Variants in NLRP9 observed in about 807,000 individuals in gnomAD.
NLRP9 encodes the protein NLR family pyrin domain containing 9, also known as NACHT, LRR and PYD domains-containing protein 9.
A neutral mutation model predicts 83.1 loss-of-function variants in NLRP9; 88 were observed. The observed-to-expected ratio is 1.06, with a 90% CI of 0.89 to 1.26. The LOEUF (loss-of-function observed/expected upper bound fraction) is 1.26. NLRP9 is among the 50% of genes most tolerant of loss of function. The pLI, the probability that NLRP9 is intolerant of heterozygous loss-of-function variation, is 0.00. For missense variants in NLRP9, 1,308 were observed against 1,179.3 expected, an observed-to-expected ratio of 1.11 and a Z score of -1.60; for synonymous variants, 521 against 447.6, an observed-to-expected ratio of 1.16 and a Z score of -2.07.
At position 55,717,781 on chromosome 19, in the gene NLRP9, C is replaced by T. The variant is rs534292363; in HGVS notation, c.2160-883G>A. On this transcript the variant is annotated intron_variant, in intron 4 of 8. Transcript: ENST00000332836. ...CAGAGGAGCTAGACACAGAGTTGAT[C>T]GATTATGCCTGTGTGATGAAACCTC... Among the ~76,000 whole-genome samples, 5 of 152,228 alleles carry T rather than the reference C, an allele frequency of 3.3e-5. No individual in the cohort carries two copies. The South Asian group carries it at 6.2e-4, about 19-fold the overall frequency.
At chr19:55,719,136 G>A (rs540219917) in intron 4 of NLRP9, among the ~76,000 whole-genome samples, 1 of 152,288 alleles carries the variant, frequency 6.6e-6, no homozygotes, top group South Asian at 2.1e-4. Flanking sequence ...TATACATGGG[G>A]GTTCCCCTGA....
intron 7 of NLRP9, among the ~76,000 whole-genome samples, chr19:55,712,187 G>A (rs1987760853): frequency 6.6e-6 from 1 of 152,114 alleles, no homozygotes; most frequent in Non-Finnish European, 1.5e-5. Flanking sequence ...GTGTCCAGGG[G>A]CGCTGCTAAA....
At chr19:55,719,359 G>C (rs780570448) in intron 4 of NLRP9, among the ~76,000 whole-genome samples, 43 of 152,226 alleles carry the variant, frequency 2.8e-4, no homozygotes, top group Non-Finnish European at 5.7e-4. Flanking sequence ...CACCATGTTG[G>C]CCAGGGTGAT....
At position 55,724,121 on chromosome 19, in the gene NLRP9, T is replaced by C. The variant is rs778784492; in HGVS notation, c.2018A>G (p.His673Arg). 5 of 1,612,072 alleles carry C rather than the reference T, an allele frequency of 3.1e-6. No individual in the cohort carries two copies. Among genetic ancestry groups the C allele is most frequent in the Non-Finnish European group, 4.2e-6 (5 of 1,179,060 alleles). Reference sequence around the variant, plus strand: ...AACTGCCTTAAATAATTCTGAATCATGTCCAAAGTACACAGAAGTAAATCT... The same window carrying C: ...AACTGCCTTAAATAATTCTGAATCACGTCCAAAGTACACAGAAGTAAATCT... Reference protein sequence around the residue: ...KLIFTSVYFGHDSELFKAVLH... With the variant: ...KLIFTSVYFGRDSELFKAVLH... Residue 673 changes from histidine (H) to arginine (R), a missense_variant, in exon 4 of 9, where the codon CAT becomes CGT. Coordinates refer to ENST00000332836, the MANE Select transcript of NLRP9 (RefSeq NM_176820.4).
At chr19:55,716,925 C>CG in intron 4 of NLRP9, 27 bp from the exon 5 acceptor site, 1 of 1,599,092 alleles carries the variant, frequency 6.3e-7, no homozygotes, top group African/African-American at 1.3e-5. Flanking sequence ...CACCATGAGA[C>CG]GGACCAAAGC....
intron 8 of NLRP9, chr19:55,709,433 G>A (rs1987610330): frequency 1.3e-5 from 2 of 152,184 alleles, no homozygotes; most frequent in African/African-American, 2.4e-5. Context: ...ATGAATTCAT[G>A]TACCCATCAC....
At position 55,708,653 on chromosome 19, in the gene NLRP9, G is replaced by C. The variant is rs887954176; in HGVS notation, c.*259C>G. On this transcript the variant is annotated 3_prime_UTR_variant, in exon 9 of 9. Transcript: ENST00000332836. The stretch of plus-strand genomic sequence containing the variant: ...ATGCTTTCCAGAGCGTTTAGCACTT[G>C]TTTAACGTACTTGTGCTTCTAAATA... 3.2e-6 allele frequency: 1 copy of C among 312,246 alleles called. No individual in the cohort carries two copies. Among genetic ancestry groups the C allele is most frequent in the Non-Finnish European group, 5.8e-6 (1 of 171,554 alleles). The allele number at this position is 312,246 out of a possible 1,614,324, so 19.3% of individuals were successfully genotyped here. A position where few individuals can be genotyped will look rare whatever the true frequency, so the allele number is the denominator to read the frequency against.
In NLRP9 at chr19:55,732,929, G is replaced by A. The variant is rs1003044666; in HGVS notation, c.902C>T (p.Ser301Phe). 2.5e-6 allele frequency: 4 copies of A among 1,613,888 alleles called. No individual in the cohort carries two copies. The highest frequency in any genetic ancestry group is 3.3e-4 in the Middle Eastern group (2 of 6,082). Residue 301 changes from serine to phenylalanine, a missense_variant, in exon 2 of 9, where the codon TCT becomes TTT. Physicochemically the swap from Ser to Phe is radical, Grantham distance 155 (BLOSUM62 -2). Coordinates refer to ENST00000332836, the MANE Select transcript of NLRP9 (RefSeq NM_176820.4). ...GTAGGAGAAATACGACTTCTTTTCA[G>A]ATTCACTGAATCCTAAGAGCTTTAT... ...KLIKLLGFSE[S>F]EKKSYFSYFF...
In NLRP9 at chr19:55,708,753, A is replaced by C. The variant is rs534607860; in HGVS notation, c.*159T>G. 3 of 526,204 alleles carry C rather than the reference A, an allele frequency of 5.7e-6. No homozygotes were observed. Among genetic ancestry groups the C allele is most frequent in the South Asian group, 8.0e-5 (2 of 24,890 alleles). 32.6% of individuals were successfully genotyped at this position (526,204 alleles called of 1,614,324 possible). A position where few individuals can be genotyped will look rare whatever the true frequency, so the allele number is the denominator to read the frequency against. Reference sequence around the variant, plus strand: ...CAAAGACAATCAGCATGTACACTGAATCACACTCCATAATCATATTGCTAG... The same window carrying C: ...CAAAGACAATCAGCATGTACACTGACTCACACTCCATAATCATATTGCTAG... On this transcript the variant is annotated 3_prime_UTR_variant, in exon 9 of 9. Coordinates refer to ENST00000332836, the MANE Select transcript of NLRP9 (RefSeq NM_176820.4).
At chr19:55,711,771 T>C (rs772710464) in intron 8 of NLRP9, 29 bp downstream of exon 8, 14 of 1,605,006 alleles carry the variant, frequency 8.7e-6, no homozygotes, top group Non-Finnish European at 1.2e-5. Flanking sequence ...CTGAAGTCAC[T>C]CACCCCAAAG....
At chr19:55,728,033 T>A (rs1470265245) in intron 3 of NLRP9, among the ~76,000 whole-genome samples, 3 of 152,020 alleles carry the variant, frequency 2.0e-5, no homozygotes, top group Non-Finnish European at 2.9e-5. Context: ...CACAATAAAT[T>A]CCTCTAGCAA....
At chr19:55,736,795 C>T (rs1349648481) in intron 1 of NLRP9, among the ~76,000 whole-genome samples, 2 of 151,932 alleles carry the variant, frequency 1.3e-5, no homozygotes, top group Admixed American at 6.6e-5. Flanking sequence ...GATCATGTCA[C>T]TGCCCTCCAA....
intron 8 of NLRP9, 28 bp from the exon 9 acceptor site, chr19:55,709,072 TTTTG>T (rs747486196): frequency 6.5e-7 from 1 of 1,548,906 alleles, no homozygotes; most frequent in Non-Finnish European, 8.6e-7. Context: ...AAGTTTTTTT[TTTTG>T]TTTTTCATTT....
chr19:55,715,432 C>T (rs1987971993), intron 5 of NLRP9, among the ~76,000 whole-genome samples: 1 of 152,208 alleles, frequency 6.6e-6, no homozygotes, highest in Non-Finnish European at 1.5e-5. Context: ...CGCCTGTCAT[C>T]CCAGCACTTT....
Position 55,712,546 on chromosome 19 carries a change from G to A in NLRP9, c.2546C>T (p.Ala849Val), listed in dbSNP as rs1987779121. 1.9e-6 allele frequency: 3 copies of A among 1,612,448 alleles called. No individual in the cohort carries two copies. The highest frequency in any genetic ancestry group is 1.1e-5 in the South Asian group (1 of 91,064). The change falls in exon 7 of 9, where the codon GCT (alanine) becomes GTT (valine). Residue 849 changes from alanine to valine, a missense_variant. Ala to Val is a moderately conservative substitution (Grantham distance 64). Transcript: ENST00000332836. ...FLTSDSCKDIAAVLICNGKLK... is the reference protein window; with the variant it reads ...FLTSDSCKDIVAVLICNGKLK... ...TTTCCCATTGCAAATAAGAACAGCAGCAATGTCCTTACAGGAATCGGAAGT... is the reference window on the plus strand; with the variant it reads ...TTTCCCATTGCAAATAAGAACAGCAACAATGTCCTTACAGGAATCGGAAGT...
intron 6 of NLRP9, among the ~76,000 whole-genome samples, chr19:55,713,026 C>T (rs1295172270): frequency 6.8e-6 from 1 of 147,380 alleles, no homozygotes; most frequent in East Asian, 2.0e-4. Context: ...CTCCACCTTC[C>T]CTACTCTGCT....
intron 3 of NLRP9, among the ~76,000 whole-genome samples, chr19:55,727,739 G>A (rs1988443714): frequency 6.6e-6 from 1 of 152,054 alleles, no homozygotes; most frequent in South Asian, 2.1e-4. Context: ...CCCCTACAAG[G>A]CTTTGTATTT....
chr19:55,713,655 C>T (rs1183638726), intron 6 of NLRP9, among the ~76,000 whole-genome samples: 1 of 117,356 alleles, frequency 8.5e-6, no homozygotes, highest in Non-Finnish European at 1.8e-5. Flanking sequence ...CTCTCCCTCC[C>T]CACCTCTCCC....
chr19:55,716,745 A>G lies in NLRP9; in HGVS notation c.2313T>C (p.Cys771=). ...CAACTTACATCAGCCTCTCCAGGGC[A>G]CAGTGTGAGTGCTTCAGGGCTTCAC... ...LLCEALKHSH[C]ALERLMLMYC... Residue 771 remains cysteine (C), a synonymous_variant, in exon 5 of 9, where the codon TGT becomes TGC. Coordinates refer to ENST00000332836, the MANE Select transcript of NLRP9 (RefSeq NM_176820.4). The G allele has an allele frequency of 1.5e-5, 25 of 1,613,874 alleles. No individual in the cohort carries two copies. The highest frequency in any genetic ancestry group is 2.2e-5 in the South Asian group (2 of 91,074).
Sources: allele counts gnomAD v4.1 joint callset (sites outside exome capture counted in the v4.1 genomes callset), GRCh38; gene constraint gnomAD v4.1.1; transcripts MANE v1.5; gene names NCBI Gene and HGNC (gene_info 2026-07-23, HGNC 2026-07-21).